Variants in C12orf42 observed in about 807,000 individuals in gnomAD.
The protein encoded by C12orf42 is uncharacterized protein C12orf42.
A neutral mutation model predicts 21.6 loss-of-function variants in C12orf42; 25 were observed. That is an observed-to-expected ratio of 1.16 (90% CI 0.84 to 1.62). C12orf42 has a LOEUF of 1.62. Ranked by LOEUF, C12orf42 falls within the 40% of genes most tolerant of loss-of-function variation. C12orf42 has a pLI of 0.00. For synonymous variants in C12orf42, 174 were observed against 175.0 expected (o/e 0.99, Z 0.05); for missense variants, 483 against 459.3 (o/e 1.05, Z -0.47).
the C12orf42 span, among the ~76,000 whole-genome samples, chr12:103,109,011 G>A: frequency 2.6e-5 from 4 of 152,136 alleles, no homozygotes; most frequent in African/African-American, 9.7e-5. Flanking sequence ...ATCATAGGAT[G>A]TTAATTCTCA....
At chr12:103,086,407 G>C in the C12orf42 span, among the ~76,000 whole-genome samples, 8 of 151,336 alleles carry the variant, frequency 5.3e-5, no homozygotes, top group Admixed American at 2.0e-4. Flanking sequence ...CTAATTCATA[G>C]CAAACCAAAG....
the C12orf42 span, among the ~76,000 whole-genome samples, chr12:103,062,904 T>G: frequency 6.6e-6 from 1 of 152,224 alleles, no homozygotes; most frequent in Non-Finnish European, 1.5e-5. Context: ...ATTTTCACCA[T>G]GTCTCCTGCG....
At chr12:103,288,157 C>T (rs144977496) in intron 4 of C12orf42, among the ~76,000 whole-genome samples, 3 of 152,248 alleles carry the variant, frequency 2.0e-5, no homozygotes, top group African/African-American at 7.2e-5. Flanking sequence ...TACCATACAC[C>T]ATTAATCAAT....
chr12:103,310,673 G>A (rs1033056162), intron 4 of C12orf42, among the ~76,000 whole-genome samples: 8 of 152,210 alleles, frequency 5.3e-5, no homozygotes, highest in African/African-American at 1.9e-4. Context: ...CAGTGGGAAT[G>A]CATTTGCAAA....
intron 4 of C12orf42, among the ~76,000 whole-genome samples, chr12:103,290,227 T>G (rs1162843609): frequency 6.6e-6 from 1 of 152,186 alleles, no homozygotes; most frequent in African/African-American, 2.4e-5. Context: ...TCTGTCATCT[T>G]CTATAGAAAT....
chr12:103,113,767 A>C, the C12orf42 span, among the ~76,000 whole-genome samples: 2 of 152,212 alleles, frequency 1.3e-5, no homozygotes, highest in Non-Finnish European at 2.9e-5. Context: ...ATTCCCTTCT[A>C]AGTGGAAATA....
intron 1 of C12orf42, among the ~76,000 whole-genome samples, chr12:103,482,413 T>C (rs1414077056): frequency 6.6e-6 from 1 of 152,188 alleles, no homozygotes; most frequent in Non-Finnish European, 1.5e-5. Flanking sequence ...GTAAAGATCG[T>C]AGTCAGTCTG....
the C12orf42 span, among the ~76,000 whole-genome samples, chr12:103,113,492 C>G: frequency 6.6e-6 from 1 of 152,176 alleles, no homozygotes; most frequent in Non-Finnish European, 1.5e-5. Context: ...AGGAACTCAA[C>G]TAATTTGAGT....
At chr12:103,093,477 A>G in the C12orf42 span, among the ~76,000 whole-genome samples, 4 of 152,282 alleles carry the variant, frequency 2.6e-5, no homozygotes, top group East Asian at 3.9e-4. Flanking sequence ...TGTAAACATT[A>G]TATGTGGAGA....
chr12:103,232,805 G>A (rs905562310), downstream of C12orf42, among the ~76,000 whole-genome samples: 30 of 152,058 alleles, frequency 2.0e-4, 1 homozygote, highest in South Asian at 4.1e-4. Flanking sequence ...TAAGGTCTGC[G>A]TCTAGGTTCA....
At chr12:103,110,561 A>G in the C12orf42 span, among the ~76,000 whole-genome samples, 1 of 152,212 alleles carries the variant, frequency 6.6e-6, no homozygotes, top group Admixed American at 6.5e-5. Context: ...GGTACAAAGA[A>G]GTTTGATATG....
intron 4 of C12orf42, among the ~76,000 whole-genome samples, chr12:103,290,328 T>A (rs2036716116): frequency 6.6e-6 from 1 of 152,166 alleles, no homozygotes; most frequent in South Asian, 2.1e-4. Flanking sequence ...AACTCCTCCA[T>A]CTGAAAGCCA....
intron 4 of C12orf42, among the ~76,000 whole-genome samples, chr12:103,317,691 T>C (rs2039653321): frequency 6.7e-6 from 1 of 149,056 alleles, no homozygotes. Flanking sequence ...TATGAGATTC[T>C]GAGTAGTTTT....
chr12:103,473,408 G>A (rs1953779983), intron 2 of C12orf42, among the ~76,000 whole-genome samples: 2 of 152,284 alleles, frequency 1.3e-5, no homozygotes, highest in Admixed American at 1.3e-4. Flanking sequence ...GATAGTCAGA[G>A]AGACCCCAGG....
chr12:103,504,163 A>C, the C12orf42 span: 2 of 152,596 alleles, frequency 1.3e-5, no homozygotes, highest in Non-Finnish European at 2.9e-5. Context: ...CCCCGGCAGC[A>C]TGGAGATCAG....
At chr12:103,131,821 T>C in the C12orf42 span, among the ~76,000 whole-genome samples, 3 of 152,066 alleles carry the variant, frequency 2.0e-5, no homozygotes, top group East Asian at 5.8e-4. Flanking sequence ...GTAAGAGTGA[T>C]GTTAGTGCGT....
At chr12:103,225,932 AGTGT>A in the C12orf42 span, among the ~76,000 whole-genome samples, 1 of 152,202 alleles carries the variant, frequency 6.6e-6, no homozygotes, top group Admixed American at 6.5e-5. Flanking sequence ...GCGATCGGGC[AGTGT>A]CTGTCTTCAG....
the C12orf42 span, chr12:103,081,128 A>T: frequency 6.6e-6 from 1 of 152,190 alleles, no homozygotes; most frequent in Non-Finnish European, 1.5e-5. Context: ...CACTTGGTAA[A>T]TCCCCTTCTT....
At chr12:103,187,567 G>A in the C12orf42 span, among the ~76,000 whole-genome samples, 2 of 152,132 alleles carry the variant, frequency 1.3e-5, no homozygotes, top group African/African-American at 4.8e-5. Context: ...CTTTTGTTTT[G>A]CCAATGTATG....
Sources: gnomAD v4.1 joint callset for allele counts (sites outside exome capture counted in the v4.1 genomes callset) on GRCh38, gnomAD v4.1.1 for gene constraint, MANE v1.5 for transcripts, NCBI Gene and HGNC (gene_info 2026-07-23, HGNC 2026-07-21) for gene names.